PAFAH1B1: variants seen among roughly 807,000 people sequenced by gnomAD.
PAFAH1B1 encodes the protein platelet-activating factor acetylhydrolase IB subunit beta.
In PAFAH1B1, 2 loss-of-function variants were observed where a neutral mutation model predicts 57.5. That is an observed-to-expected ratio of 0.03 (90% CI 0.01 to 0.11). The LOEUF (loss-of-function observed/expected upper bound fraction) is 0.11. PAFAH1B1 is among the 10% of genes least tolerant of loss of function. The pLI, the probability that PAFAH1B1 is intolerant of heterozygous loss-of-function variation, is 1.00. For missense variants in PAFAH1B1, 257 were observed against 512.0 expected (o/e 0.50, Z 4.81); for synonymous variants, 152 against 169.6 (o/e 0.90, Z 0.81).
chr17:2,680,919 A>G (rs1292643350), intron 10 of PAFAH1B1: 1 of 171,470 alleles, frequency 5.8e-6, no homozygotes, highest in Non-Finnish European at 1.3e-5. Context: ...GTAAATGGAT[A>G]TGGCGAGACT....
intron 1 of PAFAH1B1, among the ~76,000 whole-genome samples, chr17:2,614,136 C>G (rs886268521): frequency 4.0e-5 from 6 of 148,278 alleles, no homozygotes; most frequent in African/African-American, 1.5e-4. Flanking sequence ...TCAAGCTATC[C>G]TCCCACCTTA....
At chr17:2,636,395 G>A (rs1429332904) in intron 1 of PAFAH1B1, among the ~76,000 whole-genome samples, 2 of 152,162 alleles carry the variant, frequency 1.3e-5, no homozygotes, top group Non-Finnish European at 2.9e-5. Flanking sequence ...TAATGAAATA[G>A]CAGTTGCCAT....
chr17:2,634,762 T>C (rs1205592873), intron 1 of PAFAH1B1, among the ~76,000 whole-genome samples: 1 of 152,208 alleles, frequency 6.6e-6, no homozygotes, highest in Non-Finnish European at 1.5e-5. Flanking sequence ...CTTGCTCAGC[T>C]TCGTCCTGAG....
At position 2,680,214 on chromosome 17, in the gene PAFAH1B1, G is replaced by A. The variant is rs771948014; in HGVS notation, c.1053G>A (p.Lys351=). 1 of 1,614,140 alleles carries A rather than the reference G, an allele frequency of 6.2e-7. No individual in the cohort carries two copies. The highest frequency in any genetic ancestry group is 1.1e-5 in the South Asian group (1 of 91,088). The part of the protein sequence containing the change: ...VRGVLFHSGG[K]FILSCADDKT... ...GAGTTCTGTTCCATTCTGGGGGGAA[G>A]TTTATTTTGAGTTGTGCTGATGACA... The change falls in exon 10 of 11, where the codon AAG becomes AAA. Residue 351 remains lysine (K), a synonymous_variant. Coordinates refer to ENST00000397195, the MANE Select transcript of PAFAH1B1 (RefSeq NM_000430.4).
intron 1 of PAFAH1B1, among the ~76,000 whole-genome samples, chr17:2,607,292 G>A (rs1156441380): frequency 6.6e-6 from 1 of 151,926 alleles, no homozygotes; most frequent in Admixed American, 6.6e-5. Flanking sequence ...CCCTCCCTCA[G>A]CCTCCTGAGT....
chr17:2,647,268 A>C (rs764727579), intron 2 of PAFAH1B1, among the ~76,000 whole-genome samples: 10 of 152,160 alleles, frequency 6.6e-5, no homozygotes, highest in Non-Finnish European at 1.3e-4. Context: ...GTGCGAGCTG[A>C]GGCACGAGAA....
intron 2 of PAFAH1B1, among the ~76,000 whole-genome samples, chr17:2,648,168 A>G (rs890437884): frequency 3.9e-5 from 6 of 152,078 alleles, no homozygotes. Flanking sequence ...TGAAGGGGGA[A>G]GCCCCTTATT....
intron 1 of PAFAH1B1, among the ~76,000 whole-genome samples, chr17:2,597,915 A>G (rs1244987859): frequency 4.6e-5 from 7 of 152,098 alleles, no homozygotes; most frequent in Non-Finnish European, 1.5e-5. Flanking sequence ...CATCTTTGTG[A>G]ATAAGTCATG....
chr17:2,656,489 G>A (rs2068937976), intron 2 of PAFAH1B1, among the ~76,000 whole-genome samples: 1 of 151,866 alleles, frequency 6.6e-6, no homozygotes, highest in South Asian at 2.1e-4. Flanking sequence ...CCCGGGACAA[G>A]TAAATGATTC....
intron 1 of PAFAH1B1, among the ~76,000 whole-genome samples, chr17:2,620,356 T>C (rs1224942503): frequency 6.6e-6 from 1 of 152,248 alleles, no homozygotes; most frequent in African/African-American, 2.4e-5. Context: ...TAATTCTCTT[T>C]ACTTTTTGTG....
chr17:2,671,464 A>G (rs2069180188), intron 6 of PAFAH1B1, among the ~76,000 whole-genome samples: 1 of 151,674 alleles, frequency 6.6e-6, no homozygotes, highest in South Asian at 2.1e-4. Context: ...CAGCCTCCCA[A>G]AGTGCTGGAA....
intron 1 of PAFAH1B1, among the ~76,000 whole-genome samples, chr17:2,604,099 G>A (rs1236444659): frequency 6.7e-6 from 1 of 150,286 alleles, no homozygotes; most frequent in Non-Finnish European, 1.5e-5. Context: ...GTGCAATGGC[G>A]TGATCTTGGC....
intron 1 of PAFAH1B1, among the ~76,000 whole-genome samples, chr17:2,626,640 T>C (rs2439996): frequency 0.46 from 65,235 of 141,300 alleles, 17,351 homozygotes; most frequent in African/African-American, 0.76. Context: ...CTGCAACCTC[T>C]GACTCCCTGG....
upstream of PAFAH1B1, chr17:2,593,424 T>C (rs1203877445): frequency 1.3e-5 from 2 of 152,554 alleles, no homozygotes; most frequent in Non-Finnish European, 2.9e-5. Context: ...GTGCGGAGCG[T>C]GAGAAGCAGC....
Position 2,670,440 on chromosome 17 carries a change from G to A in PAFAH1B1, c.568+109G>A, listed in dbSNP as rs560309259. On this transcript the variant is annotated intron_variant, in intron 6 of 10. Transcript: ENST00000397195. ...TCCTTTATTCACCTCTTAATTGTCA[G>A]TATTGGTGGAAGAGCATACCATGTA... 4.7e-6 allele frequency: 5 copies of A among 1,065,348 alleles called. No individual in the cohort carries two copies. In the African/African-American group the frequency reaches 6.2e-5, roughly 13 times the overall value. The allele number at this position is 1,065,348 out of a possible 1,614,324, so 66.0% of individuals were successfully genotyped here. A position where few individuals can be genotyped will look rare whatever the true frequency, so the allele number is the denominator to read the frequency against.
intron 1 of PAFAH1B1, among the ~76,000 whole-genome samples, chr17:2,611,611 G>A (rs1179988617): frequency 6.6e-6 from 1 of 152,168 alleles, no homozygotes; most frequent in Non-Finnish European, 1.5e-5. Context: ...TTAAATGTAA[G>A]GAGAGGTTTG....
At chr17:2,667,531 G>A in intron 5 of PAFAH1B1, 1 of 325,668 alleles carries the variant, frequency 3.1e-6, no homozygotes, top group East Asian at 7.8e-5. Flanking sequence ...GAGAAAGTCG[G>A]GTGTCACTAA....
rs2069417660 is a variant in PAFAH1B1, at chr17:2,683,458, G to A, written c.*1656G>A. The A allele has an allele frequency of 6.6e-6, 1 of 152,146 alleles. No homozygotes were observed. The highest frequency in any genetic ancestry group is 6.5e-5 in the Admixed American group (1 of 15,268). The allele number at this position is 152,146 out of a possible 1,614,324, so 9.4% of individuals were successfully genotyped here. Reference sequence around the variant, plus strand: ...CCCCTTTAGTATTTAATGGAAAATTGGTTCCTGCAAAAGACAAAGGGTGAG... The same window carrying A: ...CCCCTTTAGTATTTAATGGAAAATTAGTTCCTGCAAAAGACAAAGGGTGAG... On this transcript the variant is annotated 3_prime_UTR_variant, in exon 11 of 11. Transcript: ENST00000397195.
In PAFAH1B1 at chr17:2,593,772, C is replaced by T. The variant is rs1363700375; in HGVS notation, c.-425C>T. On this transcript the variant is annotated 5_prime_UTR_variant, in exon 1 of 11. Transcript: ENST00000397195. ...CGAGAAGGAGAAGGAGGGGAGCGCTCGGGCGCGAGCGAGAGAAACCGCGAG... is the reference window on the plus strand; with the variant it reads ...CGAGAAGGAGAAGGAGGGGAGCGCTTGGGCGCGAGCGAGAGAAACCGCGAG... 1.3e-5 allele frequency: 5 copies of T among 390,200 alleles called. No homozygotes were observed. Among genetic ancestry groups the T allele is most frequent in the Non-Finnish European group, 2.3e-5 (5 of 221,018 alleles). 24.2% of individuals were successfully genotyped at this position (390,200 alleles called of 1,614,324 possible).
Sources: allele counts gnomAD v4.1 joint callset (sites outside exome capture counted in the v4.1 genomes callset), GRCh38; gene constraint gnomAD v4.1.1; transcripts MANE v1.5; gene names NCBI Gene and HGNC (gene_info 2026-07-23, HGNC 2026-07-21).